NSA2: variants seen among roughly 807,000 people sequenced by gnomAD.
NSA2 encodes ribosome biogenesis protein NSA2 homolog.
NSA2 carries 18 observed loss-of-function variants against 34.8 expected under a neutral mutation model. That is an observed-to-expected ratio of 0.52 (90% CI 0.36 to 0.77). The LOEUF is 0.77. Among genes scored for constraint, NSA2 ranks in the 30% least tolerant of loss-of-function variants. The pLI is 0.00. For missense variants in NSA2, 188 were observed against 314.7 expected (o/e 0.60, Z 3.05); for synonymous variants, 79 against 100.2 (o/e 0.79, Z 1.26).
rs894437248 is a variant in NSA2 at position 74,779,180 on chromosome 5, C to T, written c.*2509C>T. ...CAAGTTTAACAAGAATAAGTTTATA[C>T]TGTTAGCCCCCAATGGTCATATATG... is the stretch of plus-strand genomic sequence containing the variant. On this transcript the variant is annotated 3_prime_UTR_variant, in exon 6 of 6. Transcript: ENST00000610426. The T allele has an allele frequency of 6.6e-6, 1 of 152,092 alleles. No individual in the cohort carries two copies. The highest frequency in any genetic ancestry group is 2.4e-5 in the African/African-American group (1 of 41,428). The allele number at this position is 152,092 out of a possible 1,614,324, so 9.4% of individuals were successfully genotyped here.
intron 4 of NSA2, among the ~76,000 whole-genome samples, chr5:74,773,203 GTT>G (rs1745001138): frequency 2.0e-5 from 3 of 152,062 alleles, no homozygotes; most frequent in Non-Finnish European, 4.4e-5. Flanking sequence ...TTGTTGTGAG[GTT>G]ATTGTGTTTA....
intron 5 of NSA2, among the ~76,000 whole-genome samples, chr5:74,775,603 C>T (rs1287699054): frequency 1.3e-5 from 2 of 151,636 alleles, no homozygotes; most frequent in African/African-American, 4.8e-5. Context: ...GAGCAAGCCT[C>T]CATCTCAAAA....
intron 4 of NSA2, among the ~76,000 whole-genome samples, chr5:74,772,343 G>A (rs919076147): frequency 6.6e-6 from 1 of 152,050 alleles, no homozygotes; most frequent in Non-Finnish European, 1.5e-5. Context: ...AGCCAGGATG[G>A]TCTCGATCTC....
rs1037649449 is a variant in NSA2, at chr5:74,779,382, T to C, written c.*2711T>C. ...AATTAGCATGGCCCCTGTGCAAGGA[T>C]GACACAAATTCATGAAGCGTTTCCA... On this transcript the variant is annotated 3_prime_UTR_variant, in exon 6 of 6. Coordinates refer to ENST00000610426, the MANE Select transcript of NSA2 (RefSeq NM_014886.6). 4 of 152,136 alleles carry C rather than the reference T, an allele frequency of 2.6e-5. No homozygotes were observed. Among genetic ancestry groups the C allele is most frequent in the African/African-American group, 9.7e-5 (4 of 41,450 alleles). 9.4% of individuals were successfully genotyped at this position (152,136 alleles called of 1,614,324 possible). A position where few individuals can be genotyped will look rare whatever the true frequency, so the allele number is the denominator to read the frequency against.
chr5:74,767,343 G>A lies in NSA2; in HGVS notation c.-18G>A, dbSNP rs1397439559. On this transcript the variant is annotated 5_prime_UTR_variant, in exon 1 of 6. Transcript: ENST00000610426. ...TCGCACTCCAGCGGCTGCTCCTGGC[G>A]GCTCTGCGGCCGTCACCATGGTAAG... 6.8e-6 allele frequency: 11 copies of A among 1,613,302 alleles called. No homozygotes were observed. Among genetic ancestry groups the A allele is most frequent in the African/African-American group, 1.3e-5 (1 of 75,022 alleles).
chr5:74,773,003 G>T (rs1744995072), intron 4 of NSA2, among the ~76,000 whole-genome samples: 1 of 152,062 alleles, frequency 6.6e-6, no homozygotes, highest in African/African-American at 2.4e-5. Flanking sequence ...GTCTCATATT[G>T]CCATCAACCT....
Position 74,776,587 on chromosome 5 carries a change from GGTTTT to G in NSA2, c.716-11_716-7del, listed in dbSNP as rs1561279138. ...AACAACCCTCCCTTTTCCCTTTTTT[GGTTTT>G]GTTTTCCTTAGGAAAATATGCCCAG... is the stretch of plus-strand genomic sequence containing the variant. On this transcript the variant is annotated splice_polypyrimidine_tract_variant and intron_variant, in intron 5 of 5. Transcript: ENST00000610426. 1 of 1,410,250 alleles carries G rather than the reference GGTTTT, an allele frequency of 7.1e-7. No homozygotes were observed. Among genetic ancestry groups the G allele is most frequent in the South Asian group, 1.2e-5 (1 of 85,292 alleles). The allele number at this position is 1,410,250 out of a possible 1,614,324, so 87.4% of individuals were successfully genotyped here.
At chr5:74,774,827 A>G (rs1051413955) in intron 5 of NSA2, among the ~76,000 whole-genome samples, 17 of 152,248 alleles carry the variant, frequency 1.1e-4, no homozygotes, top group Non-Finnish European at 2.1e-4. Flanking sequence ...ACAACTTTAT[A>G]TTATGTAAAT....
rs1364723594 is a variant in NSA2 at position 74,770,702 on chromosome 5, A to G, written c.414A>G (p.Thr138=). Residue 138 remains threonine, a synonymous_variant, in exon 4 of 6, where the codon ACA becomes ACG. Coordinates refer to ENST00000610426, the MANE Select transcript of NSA2 (RefSeq NM_014886.6). ...GETEVLKVIR[T]GKRKKKAWKR... is the part of the protein sequence containing the mutation. ...CAGAAGTATTAAAAGTTATTCGAAC[A>G]GGAAAGAGAAAGAAGAAGGCATGGA... The G allele has an allele frequency of 6.2e-7, 1 of 1,613,428 alleles. No homozygotes were observed. The highest frequency in any genetic ancestry group is 1.7e-5 in the Admixed American group (1 of 59,970).
chr5:74,776,212 A>G (rs1561278905), intron 5 of NSA2, among the ~76,000 whole-genome samples: 1 of 152,206 alleles, frequency 6.6e-6, no homozygotes, highest in Non-Finnish European at 1.5e-5. Context: ...GAAATATTTT[A>G]GGCATGGCTG....
At chr5:74,776,571 C>T in intron 5 of NSA2, 33 bp from the exon 6 acceptor site, 1 of 1,118,054 alleles carries the variant, frequency 8.9e-7, no homozygotes, top group Non-Finnish European at 1.4e-6. Context: ...TAACAACCCT[C>T]CCTTTTCCCT....
intron 4 of NSA2, among the ~76,000 whole-genome samples, chr5:74,773,470 C>CAAA (rs768356175): frequency 1.0e-5 from 1 of 98,982 alleles, no homozygotes; most frequent in African/African-American, 3.4e-5. Flanking sequence ...CCATCTCTAC[C>CAAA]AAAAAAAAAA....
chr5:74,767,968 T>C (rs1476924184), intron 1 of NSA2, among the ~76,000 whole-genome samples: 2 of 152,260 alleles, frequency 1.3e-5, no homozygotes, highest in African/African-American at 2.4e-5. Context: ...TTACTTAACA[T>C]TGCTCTCTGT....
Position 74,777,065 on chromosome 5 carries a change from GGTA to G in NSA2, c.*396_*398del, listed in dbSNP as rs1745155318. ...CTCGTTAATCATTAATCCTAAAAAA[GGTA>G]GGTAGCATTAATACAGATGTTAAGT... On this transcript the variant is annotated 3_prime_UTR_variant, in exon 6 of 6. Coordinates refer to ENST00000610426, the MANE Select transcript of NSA2 (RefSeq NM_014886.6). 1 of 159,818 alleles carries G rather than the reference GGTA, an allele frequency of 6.3e-6. No homozygotes were observed. Among genetic ancestry groups the G allele is most frequent in the African/African-American group, 2.4e-5 (1 of 41,292 alleles). 9.9% of individuals were successfully genotyped at this position (159,818 alleles called of 1,614,324 possible).
At position 74,767,354 on chromosome 5, in the gene NSA2, C is replaced by G. The variant is rs1035078372; in HGVS notation, c.-7C>G. 3.7e-6 allele frequency: 6 copies of G among 1,613,200 alleles called. No individual in the cohort carries two copies. The highest frequency in any genetic ancestry group is 5.1e-6 in the Non-Finnish European group (6 of 1,179,708). ...CGGCTGCTCCTGGCGGCTCTGCGGC[C>G]GTCACCATGGTAAGGAGGATGCCTC... On this transcript the variant is annotated 5_prime_UTR_variant, in exon 1 of 6. Coordinates refer to ENST00000610426, the MANE Select transcript of NSA2 (RefSeq NM_014886.6).
rs780927351 is a variant in NSA2 at position 74,773,886 on chromosome 5, G to A, written c.541G>A (p.Ala181Thr). The A allele has an allele frequency of 1.2e-6, 2 of 1,612,426 alleles. No homozygotes were observed. Among genetic ancestry groups the A allele is most frequent in the South Asian group, 2.2e-5 (2 of 90,908 alleles). Residue 181 changes from alanine to threonine, a missense_variant, in exon 5 of 6, where the codon GCC (alanine) becomes ACC (threonine). Ala to Thr is a moderately conservative substitution (Grantham distance 58). Coordinates refer to ENST00000610426, the MANE Select transcript of NSA2 (RefSeq NM_014886.6). ...TTACTAGGGCTTGCGTTTCAAGAAA[G>A]CCCATGTAACACATCCTGAACTGAA... ...IRPMGLRFKK[A>T]HVTHPELKAT... is the part of the protein sequence containing the mutation.
chr5:74,768,344 C>A (rs1472443617), intron 1 of NSA2, among the ~76,000 whole-genome samples: 21 of 152,148 alleles, frequency 1.4e-4, no homozygotes, highest in Non-Finnish European at 4.4e-5. Context: ...AGCAAGAAAC[C>A]AGATTCAAAA....
chr5:74,767,622 C>T (rs1744731292), intron 1 of NSA2, among the ~76,000 whole-genome samples: 1 of 152,164 alleles, frequency 6.6e-6, no homozygotes, highest in African/African-American at 2.4e-5. Flanking sequence ...TTTGATCCAC[C>T]GCTAAGAGTC....
Position 74,767,281 on chromosome 5 carries a change from C to G in NSA2, c.-80C>G. The G allele has an allele frequency of 1.3e-6, 2 of 1,575,512 alleles. No individual in the cohort carries two copies. The highest frequency in any genetic ancestry group is 1.1e-5 in the South Asian group (1 of 90,200). On this transcript the variant is annotated 5_prime_UTR_variant, in exon 1 of 6. Coordinates refer to ENST00000610426, the MANE Select transcript of NSA2 (RefSeq NM_014886.6). ...CCTGTCCCGGCCTGCGTGGTGTGGGCTTGTGGGTCTTTGAGACCCGAAAAT... is the reference window on the plus strand; with the variant it reads ...CCTGTCCCGGCCTGCGTGGTGTGGGGTTGTGGGTCTTTGAGACCCGAAAAT...
Sources: gnomAD v4.1 joint callset for allele counts (sites outside exome capture counted in the v4.1 genomes callset) on GRCh38, gnomAD v4.1.1 for gene constraint, MANE v1.5 for transcripts, NCBI Gene and HGNC (gene_info 2026-07-23, HGNC 2026-07-21) for gene names.